Variants in ZNF385D observed in about 807,000 individuals in gnomAD.
ZNF385D encodes zinc finger protein 385D, also known as zinc finger protein 659.
Under a neutral mutation model 35.8 loss-of-function variants are expected in ZNF385D, and 15 were observed. The ratio of observed to expected loss-of-function variants is 0.42; its 90% CI spans 0.28 to 0.64. The LOEUF (loss-of-function observed/expected upper bound fraction) is 0.64. Ranked by LOEUF, ZNF385D falls within the 30% of genes least tolerant of loss-of-function variation. ZNF385D has a pLI of 0.23. For missense variants in ZNF385D, 474 were observed against 494.6 expected (o/e 0.96, Z 0.39); for synonymous variants, 212 against 186.8 (o/e 1.13, Z -1.10).
intron 3 of ZNF385D, among the ~76,000 whole-genome samples, chr3:22,073,539 T>C (rs1410286366): frequency 6.6e-6 from 1 of 151,972 alleles, no homozygotes; most frequent in Non-Finnish European, 1.5e-5. Flanking sequence ...CTTTCTAGGG[T>C]AAAAATTATT....
At chr3:21,812,025 T>C (rs1009874566) in intron 3 of ZNF385D, among the ~76,000 whole-genome samples, 1 of 152,186 alleles carries the variant, frequency 6.6e-6, no homozygotes, top group Admixed American at 6.5e-5. Flanking sequence ...ATTTGAATAT[T>C]TTCAAATCTC....
chr3:21,770,266 C>G (rs924290692), intron 3 of ZNF385D, among the ~76,000 whole-genome samples: 4 of 152,078 alleles, frequency 2.6e-5, no homozygotes, highest in Non-Finnish European at 5.9e-5. Context: ...AGAGCTTCTG[C>G]ACAGCAAAAG....
chr3:21,830,989 A>G (rs1410474601), intron 3 of ZNF385D, among the ~76,000 whole-genome samples: 1 of 152,198 alleles, frequency 6.6e-6, no homozygotes, highest in Non-Finnish European at 1.5e-5. Flanking sequence ...TTTCTAAAGT[A>G]AAGTGAAGAA....
At chr3:21,707,864 T>TGAGAAGTGA (rs1451327410) in intron 1 of ZNF385D, among the ~76,000 whole-genome samples, 1 of 152,144 alleles carries the variant, frequency 6.6e-6, no homozygotes, top group African/African-American at 2.4e-5. Flanking sequence ...TTTTAGAAGA[T>TGAGAAGTGA]GAGAAGTGAG....
intron 2 of ZNF385D, among the ~76,000 whole-genome samples, chr3:22,369,984 G>C (rs1696828298): frequency 6.6e-6 from 1 of 152,152 alleles, no homozygotes. Flanking sequence ...AGTTAGATGT[G>C]ACTCATCTAA....
At chr3:21,782,264 G>A (rs1345882736) in intron 3 of ZNF385D, among the ~76,000 whole-genome samples, 2 of 152,036 alleles carry the variant, frequency 1.3e-5, no homozygotes, top group Non-Finnish European at 2.9e-5. Flanking sequence ...GCCAAGTGGA[G>A]GTCACAATGT....
intron 3 of ZNF385D, among the ~76,000 whole-genome samples, chr3:21,891,365 G>T (rs559001891): frequency 6.6e-6 from 1 of 152,114 alleles, no homozygotes; most frequent in Admixed American, 6.5e-5. Flanking sequence ...TTAAAGCACA[G>T]CTTTCAAGTA....
intron 1 of ZNF385D, among the ~76,000 whole-genome samples, chr3:21,715,280 T>C (rs149262398): frequency 2.2e-4 from 33 of 152,254 alleles, no homozygotes; most frequent in Middle Eastern, 3.4e-3. Flanking sequence ...TTGTCTATCA[T>C]TCCACTCTCT....
intron 4 of ZNF385D, among the ~76,000 whole-genome samples, chr3:21,441,079 C>T (rs969381717): frequency 1.1e-4 from 16 of 152,196 alleles, no homozygotes; most frequent in African/African-American, 3.9e-4. Flanking sequence ...GGCCAATAAA[C>T]ATAGATCATG....
intron 2 of ZNF385D, among the ~76,000 whole-genome samples, chr3:22,281,764 T>TATCA (rs1701754670): frequency 6.6e-6 from 1 of 152,096 alleles, no homozygotes; most frequent in Non-Finnish European, 1.5e-5. Flanking sequence ...ATAGAATGAT[T>TATCA]TAGGAAGGAT....
intron 4 of ZNF385D, among the ~76,000 whole-genome samples, chr3:21,490,257 C>T (rs1237081949): frequency 1.3e-5 from 2 of 152,126 alleles, no homozygotes; most frequent in East Asian, 3.9e-4. Flanking sequence ...CCACAAACTC[C>T]TAGGCTCAAG....
At chr3:22,108,773 G>A (rs535378301) in intron 3 of ZNF385D, among the ~76,000 whole-genome samples, 39 of 152,294 alleles carry the variant, frequency 2.6e-4, no homozygotes, top group African/African-American at 6.5e-4. Context: ...AGCACTCTGG[G>A]AGGCTGAGAT....
At chr3:22,244,960 T>C (rs945544213) in intron 2 of ZNF385D, among the ~76,000 whole-genome samples, 2 of 152,104 alleles carry the variant, frequency 1.3e-5, no homozygotes, top group South Asian at 4.1e-4. Flanking sequence ...GGCCTTGGCA[T>C]AGCCTGGTTC....
rs1202467342 is a variant in ZNF385D at position 21,984,714 on chromosome 3, T to G, written c.325+184103A>C. Among the ~76,000 whole-genome samples the G allele has an allele frequency of 1.8e-4, 22 of 120,036 alleles. 1 individual carries two copies. Among genetic ancestry groups the G allele is most frequent in the South Asian group, 3.9e-4 (1 of 2,584 alleles). 78.7% of individuals were successfully genotyped at this position (120,036 alleles called of 152,430 possible). The stretch of plus-strand genomic sequence containing the variant: ...CCAATTCTGTGAAGAAAGTCATTGG[T>G]AGCTTGATGGGGATGGCATTGAATC... On this transcript the variant is annotated intron_variant, in intron 3 of 5. Coordinates refer to the ZNF385D transcript ENST00000494108.
At chr3:21,581,306 T>C (rs1461580081) in intron 2 of ZNF385D, among the ~76,000 whole-genome samples, 1 of 152,146 alleles carries the variant, frequency 6.6e-6, no homozygotes, top group Non-Finnish European at 1.5e-5. Flanking sequence ...TTCCTATCTC[T>C]CCCTCCAAAT....
At chr3:22,011,121 G>C (rs1017968708) in intron 3 of ZNF385D, among the ~76,000 whole-genome samples, 5 of 151,988 alleles carry the variant, frequency 3.3e-5, no homozygotes, top group Admixed American at 6.6e-5. Context: ...TAATTTCTTA[G>C]AGTTTGATTT....
At chr3:21,719,492 G>C (rs575452757) in intron 1 of ZNF385D, among the ~76,000 whole-genome samples, 1 of 152,090 alleles carries the variant, frequency 6.6e-6, no homozygotes, top group African/African-American at 2.4e-5. Flanking sequence ...GAGAGCACGC[G>C]CACTTTAATT....
intron 5 of ZNF385D, among the ~76,000 whole-genome samples, chr3:21,433,786 A>C (rs186662818): frequency 5.0e-4 from 76 of 152,292 alleles, no homozygotes; most frequent in Non-Finnish European, 8.2e-4. Context: ...ATATTTTGTT[A>C]GTCTATATTT....
chr3:21,421,041 CTCCCA>C lies in ZNF385D; in HGVS notation c.*168_*172del. ...ATTTGGAGAAAATACCACTCCCTCC[CTCCCA>C]CCCCCAAACCTCCCCCACTTTTTTA... On this transcript the variant is annotated 3_prime_UTR_variant, in exon 8 of 8. Coordinates refer to ENST00000281523, the MANE Select transcript of ZNF385D (RefSeq NM_024697.3). 1 of 265,406 alleles carries C rather than the reference CTCCCA, an allele frequency of 3.8e-6. No homozygotes were observed. Among genetic ancestry groups the C allele is most frequent in the South Asian group, 3.8e-5 (1 of 26,480 alleles). The allele number at this position is 265,406 out of a possible 1,614,324, so 16.4% of individuals were successfully genotyped here.
Sources: gnomAD v4.1 joint callset for allele counts (sites outside exome capture counted in the v4.1 genomes callset) on GRCh38, gnomAD v4.1.1 for gene constraint, MANE v1.5 for transcripts, NCBI Gene and HGNC (gene_info 2026-07-23, HGNC 2026-07-21) for gene names.